RPS24: variants seen among roughly 807,000 people sequenced by gnomAD.
RPS24 encodes small ribosomal subunit protein eS24.
For missense variants in RPS24, 100 were observed against 162.5 expected, an observed-to-expected ratio of 0.62 and a Z score of 2.09; for synonymous variants, 72 against 55.6, an observed-to-expected ratio of 1.30 and a Z score of -1.31.
At chr10:78,038,029 G>A (rs1437952950) in intron 4 of RPS24, 1 of 1,215,284 alleles carries the variant, frequency 8.2e-7, no homozygotes, top group South Asian at 1.4e-5. Context: ...CCTTCACTGA[G>A]TTTGCTTTGA....
Position 78,040,393 on chromosome 10 carries a change from A to G in RPS24, c.*19+168A>G, listed in dbSNP as rs144736462. 1.2e-4 allele frequency: 86 copies of G among 739,448 alleles called. 1 individual carries two copies. The Middle Eastern group carries it at 1.3e-3, about 11-fold the overall frequency. The allele number at this position is 739,448 out of a possible 1,614,324, so 45.8% of individuals were successfully genotyped here. ...TAACAGTGACATGGTTTTGTTTTTA[A>G]GGTTTAGCAATATTTAGCCCATTAT... On this transcript the variant is annotated intron_variant, in intron 5 of 5. Transcript: ENST00000372360.
chr10:78,042,671 A>T (rs117859889), downstream of RPS24, among the ~76,000 whole-genome samples: 1 of 152,298 alleles, frequency 6.6e-6, no homozygotes, highest in East Asian at 1.9e-4. Flanking sequence ...TCAGCTTGTC[A>T]CTGATGGGAA....
At position 78,035,270 on chromosome 10, in the gene RPS24, C is replaced by T. The variant is rs932308681; in HGVS notation, c.4-82C>T. On this transcript the variant is annotated intron_variant, in intron 1 of 5. Coordinates refer to ENST00000372360, the MANE Select transcript of RPS24 (RefSeq NM_033022.4). ...TGACTAATGGCTACAAATTGGACTG[C>T]AACATTCTAGGTCTTGGAAAATCAC... is the stretch of plus-strand genomic sequence containing the variant. The T allele has an allele frequency of 3.6e-5, 50 of 1,386,096 alleles. 2 individuals are homozygous for T. In the Admixed American group the frequency reaches 5.5e-4, roughly 15 times the overall value. The allele number at this position is 1,386,096 out of a possible 1,614,324, so 85.9% of individuals were successfully genotyped here.
At chr10:78,037,902 C>CT (rs55902139) in intron 4 of RPS24, 49,665 of 378,156 alleles carry the variant, frequency 0.13, 5,502 homozygotes, top group Admixed American at 0.22. Context: ...GTTCTGTGAA[C>CT]TTTTTTTTTT....
chr10:78,050,568 T>G (rs1402913612), intron 4 of RPS24, among the ~76,000 whole-genome samples: 1 of 152,238 alleles, frequency 6.6e-6, no homozygotes, highest in Non-Finnish European at 1.5e-5. Flanking sequence ...TTCAATGGGT[T>G]TCAATGTATT....
chr10:78,039,957 AGTCC>A (rs764182311), intron 4 of RPS24: 6 of 578,404 alleles, frequency 1.0e-5, no homozygotes, highest in Admixed American at 2.6e-5. Context: ...TTCATTGTGA[AGTCC>A]GGCTACCTCG....
chr10:78,040,924 G>GTAGT (rs953756310), downstream of RPS24, among the ~76,000 whole-genome samples: 5 of 152,162 alleles, frequency 3.3e-5, no homozygotes, highest in Admixed American at 3.3e-4. Flanking sequence ...TGGACGCAGT[G>GTAGT]TAGTGGCTCA....
chr10:78,046,982 T>C (rs1848049626), intron 4 of RPS24, among the ~76,000 whole-genome samples: 1 of 151,096 alleles, frequency 6.6e-6, no homozygotes, highest in African/African-American at 2.4e-5. Flanking sequence ...CCAGGTAACC[T>C]GTTTTTTTTT....
chr10:78,055,177 A>G, exon 5 of RPS24: 1 of 1,157,312 alleles, frequency 8.6e-7, no homozygotes, highest in Non-Finnish European at 1.1e-6. Context: ...AATGCCAAAG[A>G]CCTCCCCACG....
chr10:78,035,710 G>T lies in RPS24; in HGVS notation c.269G>T (p.Arg90Ile). 6.3e-7 allele frequency: 1 copy of T among 1,599,498 alleles called. No homozygotes were observed. Among genetic ancestry groups the T allele is most frequent in the South Asian group, 1.1e-5 (1 of 91,052 alleles). The part of the protein sequence containing the change: ...DYAKKNEPKH[R>I]LARHGLYEKK... ...GCAAAGAAAAATGAACCCAAACATA[G>T]ACTTGCAAGAGTAGGTGTCTTTTCA... Residue 90 changes from arginine (R) to isoleucine (I), a missense_variant, in exon 3 of 6, where the codon AGA (arginine) becomes ATA (isoleucine). Coordinates refer to ENST00000372360, the MANE Select transcript of RPS24 (RefSeq NM_033022.4).
chr10:78,047,229 G>C (rs1564632112), intron 4 of RPS24, among the ~76,000 whole-genome samples: 3 of 151,924 alleles, frequency 2.0e-5, no homozygotes, highest in African/African-American at 7.3e-5. Flanking sequence ...GCCTCCAAAA[G>C]TGCTGGGATT....
downstream of RPS24, among the ~76,000 whole-genome samples, chr10:78,044,906 T>C (rs553762667): frequency 1.3e-5 from 2 of 152,034 alleles, no homozygotes; most frequent in South Asian, 2.1e-4. Context: ...GGAAATACTT[T>C]GGCAACGCTC....
At chr10:78,035,283 C>A in intron 1 of RPS24, 69 bp from the exon 2 acceptor site, 1 of 1,473,182 alleles carries the variant, frequency 6.8e-7, no homozygotes, top group South Asian at 1.1e-5. Flanking sequence ...CATTCTAGGT[C>A]TTGGAAAATC....
In RPS24 at chr10:78,040,253, T is replaced by C. The variant is rs1218362872; in HGVS notation, c.*19+28T>C. The C allele has an allele frequency of 7.5e-6, 12 of 1,592,150 alleles. No individual in the cohort carries two copies. In the East Asian group the frequency reaches 1.8e-4, roughly 24 times the overall value. Reference sequence around the variant, plus strand: ...ATAATTCAAGCTTTTCATGTAGTCATGTAGATCACTAGACTCCTTGGTGTA... The same window carrying C: ...ATAATTCAAGCTTTTCATGTAGTCACGTAGATCACTAGACTCCTTGGTGTA... On this transcript the variant is annotated intron_variant, in intron 5 of 5. Coordinates refer to ENST00000372360, the MANE Select transcript of RPS24 (RefSeq NM_033022.4).
intron 4 of RPS24, among the ~76,000 whole-genome samples, chr10:78,052,154 T>C (rs1246045118): frequency 6.6e-6 from 1 of 151,952 alleles, no homozygotes; most frequent in Non-Finnish European, 1.5e-5. Context: ...GCCTCCTGAG[T>C]AGCTGGGATT....
chr10:78,037,969 GA>G (rs1847912447), intron 4 of RPS24: 1 of 1,071,914 alleles, frequency 9.3e-7, no homozygotes, highest in Non-Finnish European at 1.2e-6. Context: ...CATCAGAAAT[GA>G]AGTGTCTAGC....
intron 4 of RPS24, among the ~76,000 whole-genome samples, chr10:78,048,401 T>A (rs1309031697): frequency 4.6e-5 from 7 of 152,232 alleles, no homozygotes; most frequent in African/African-American, 1.7e-4. Context: ...GGGATTGGCA[T>A]CCTATACTCT....
downstream of RPS24, among the ~76,000 whole-genome samples, chr10:78,041,384 G>C (rs1009471756): frequency 1.2e-4 from 18 of 152,340 alleles, no homozygotes; most frequent in South Asian, 2.3e-3. Flanking sequence ...TGCTGGCCAG[G>C]GGGTGGTTGG....
downstream of RPS24, among the ~76,000 whole-genome samples, chr10:78,041,941 T>G (rs1847990394): frequency 3.3e-5 from 5 of 152,126 alleles, no homozygotes; most frequent in South Asian, 1.0e-3. Context: ...GGGCAGAAGT[T>G]GTAGTCTTTC....
Sources: gnomAD v4.1 joint callset for allele counts (sites outside exome capture counted in the v4.1 genomes callset) on GRCh38, gnomAD v4.1.1 for gene constraint, MANE v1.5 for transcripts, NCBI Gene and HGNC (gene_info 2026-07-23, HGNC 2026-07-21) for gene names.